Variants in ZC3H3 observed in about 807,000 individuals in gnomAD.
ZC3H3 encodes zinc finger CCCH-type containing 3, also known as zinc finger CCCH domain-containing protein 3.
ZC3H3 carries 36 observed loss-of-function variants against 77.3 expected under a neutral mutation model. That is an observed-to-expected ratio of 0.47 (90% CI 0.36 to 0.61). The LOEUF is 0.61. Ranked by LOEUF, ZC3H3 falls within the 20% of genes least tolerant of loss-of-function variation. The pLI, the probability that ZC3H3 is intolerant of heterozygous loss-of-function variation, is 0.00. For synonymous variants in ZC3H3, 626 were observed against 555.2 expected (o/e 1.13, Z -1.79); for missense variants, 1,331 against 1,312.2 (o/e 1.01, Z -0.22).
chr8:143,455,339 T>A (rs537212983), intron 9 of ZC3H3, among the ~76,000 whole-genome samples: 2 of 150,766 alleles, frequency 1.3e-5, no homozygotes, highest in African/African-American at 4.9e-5. Context: ...AAAATAAAAA[T>A]ACAAAAATTA....
intron 11 of ZC3H3, among the ~76,000 whole-genome samples, chr8:143,438,843 C>T (rs1055019817): frequency 1.3e-5 from 2 of 152,212 alleles, no homozygotes; most frequent in African/African-American, 2.4e-5. Context: ...ACAGCTGAGT[C>T]GGGCCCAGCA....
intron 3 of ZC3H3, among the ~76,000 whole-genome samples, chr8:143,511,395 T>C (rs1821865932): frequency 6.6e-6 from 1 of 152,234 alleles, no homozygotes; most frequent in South Asian, 2.1e-4. Flanking sequence ...CAGATTTTTA[T>C]GGAACTTCAA....
chr8:143,541,332 G>A (rs748908382), intron 1 of ZC3H3, 44 bp downstream of exon 1: 12 of 1,604,206 alleles, frequency 7.5e-6, no homozygotes, highest in Non-Finnish European at 3.4e-6. Flanking sequence ...CGCGAGGTGA[G>A]GGGGAAAGAA....
At chr8:143,453,536 C>G (rs901471083) in intron 9 of ZC3H3, among the ~76,000 whole-genome samples, 2 of 152,130 alleles carry the variant, frequency 1.3e-5, no homozygotes, top group African/African-American at 4.8e-5. Context: ...GTGAATTATC[C>G]TTCTGGAATA....
In ZC3H3 at chr8:143,493,228, C is replaced by T. The variant is rs1432734573; in HGVS notation, c.1715+14518G>A. Among the ~76,000 whole-genome samples the T allele has an allele frequency of 1.3e-5, 2 of 152,110 alleles. No individual in the cohort carries two copies. Among genetic ancestry groups the T allele is most frequent in the Non-Finnish European group, 2.9e-5 (2 of 68,010 alleles). ...TGTCCTGGCCCAGGGGCTCCCTCCT[C>T]AGGGTCCTGTGTCCTGGCCCAGATC... On this transcript the variant is annotated intron_variant, in intron 4 of 11. Coordinates refer to ENST00000262577, the MANE Select transcript of ZC3H3 (RefSeq NM_015117.3). This position sits in a 1 kb window ranked among gnomAD's most constrained non-coding sequence, Gnocchi z 4.8.
At chr8:143,507,604 CCCCA>C in intron 4 of ZC3H3, 138 bp downstream of exon 4, 2 of 1,020,296 alleles carry the variant, frequency 2.0e-6, no homozygotes, top group Non-Finnish European at 2.6e-6. Flanking sequence ...TCAGGCTGGT[CCCCA>C]GCCAACGAGC....
At chr8:143,480,374 TG>T in intron 4 of ZC3H3, among the ~76,000 whole-genome samples, 1 of 152,290 alleles carries the variant, frequency 6.6e-6, no homozygotes, top group East Asian at 1.9e-4. Flanking sequence ...GGACCAACCC[TG>T]GACACCCACA....
chr8:143,495,823 G>T (rs391247), intron 4 of ZC3H3, among the ~76,000 whole-genome samples: 4,158 of 147,176 alleles, frequency 0.028, 175 homozygotes, highest in African/African-American at 0.098. Flanking sequence ...AGCTGGTCTT[G>T]AACTCGCAGG....
intron 9 of ZC3H3, among the ~76,000 whole-genome samples, chr8:143,464,513 G>A (rs985322678): frequency 6.6e-6 from 1 of 152,310 alleles, no homozygotes. Context: ...TGCTTGGGAA[G>A]GGCCCGGCCC....
Position 143,538,121 on chromosome 8 carries a change from A to G in ZC3H3, c.1246T>C (p.Ser416Pro), listed in dbSNP as rs1371031135. 6.2e-7 allele frequency: 1 copy of G among 1,613,108 alleles called. No individual in the cohort carries two copies. Among genetic ancestry groups the G allele is most frequent in the South Asian group, 1.1e-5 (1 of 91,080 alleles). ...TGTCCTACTGCTGGTCTGTCCCCCG[A>G]CGGGGACCTAGACAGGACTGGGGAG... ...QLSPVLSRSP[S>P]GDRPAVGHSG... The change falls in exon 2 of 12, where the codon TCG becomes CCG. Residue 416 changes from serine to proline, a missense_variant. Physicochemically the swap from Ser to Pro is moderately conservative, Grantham distance 74. Coordinates refer to ENST00000262577, the MANE Select transcript of ZC3H3 (RefSeq NM_015117.3).
chr8:143,453,563 A>G (rs1563836346), intron 9 of ZC3H3, among the ~76,000 whole-genome samples: 1 of 152,234 alleles, frequency 6.6e-6, no homozygotes, highest in Non-Finnish European at 1.5e-5. Context: ...AAATCAAGAC[A>G]TTCTCTGATG....
intron 4 of ZC3H3, among the ~76,000 whole-genome samples, chr8:143,483,037 T>A (rs1820949088): frequency 6.6e-6 from 1 of 152,194 alleles, no homozygotes; most frequent in Non-Finnish European, 1.5e-5. Context: ...GCAGTCCAGC[T>A]GAGACACAGA....
At chr8:143,507,652 C>A (rs1821743178) in intron 4 of ZC3H3, 94 bp downstream of exon 4, 1 of 1,349,512 alleles carries the variant, frequency 7.4e-7, no homozygotes, top group Non-Finnish European at 9.6e-7. Flanking sequence ...GTGCTCAGCT[C>A]CCCCTGGCCC....
At chr8:143,474,168 AG>A (rs151080260) in intron 5 of ZC3H3, among the ~76,000 whole-genome samples, 19,584 of 152,138 alleles carry the variant, frequency 0.13, 1,440 homozygotes, top group Middle Eastern at 0.19. Flanking sequence ...CAGTCCCTCA[AG>A]GTACGGGTGG....
At chr8:143,461,393 G>C (rs1043743298) in intron 9 of ZC3H3, among the ~76,000 whole-genome samples, 7 of 152,156 alleles carry the variant, frequency 4.6e-5, no homozygotes, top group African/African-American at 1.7e-4. Context: ...AGCCTTGCTC[G>C]CTGCCGGCAG....
At chr8:143,490,031 G>A (rs1027103738) in intron 4 of ZC3H3, among the ~76,000 whole-genome samples, 2 of 152,174 alleles carry the variant, frequency 1.3e-5, no homozygotes, top group African/African-American at 4.8e-5. Flanking sequence ...AGGGTTCCAG[G>A]GAAACACCCT....
intron 3 of ZC3H3, among the ~76,000 whole-genome samples, chr8:143,517,586 G>A (rs1182613032): frequency 2.0e-5 from 3 of 152,178 alleles, no homozygotes; most frequent in Non-Finnish European, 4.4e-5. Flanking sequence ...GGGCACTGGG[G>A]CCCAGGGCAC....
At chr8:143,495,444 C>T (rs991236230) in intron 4 of ZC3H3, among the ~76,000 whole-genome samples, 8 of 152,194 alleles carry the variant, frequency 5.3e-5, no homozygotes, top group African/African-American at 1.9e-4. Flanking sequence ...CCAGAACAGG[C>T]AGCTAATCCA....
chr8:143,445,622 G>A (rs1003366261), intron 9 of ZC3H3, among the ~76,000 whole-genome samples: 2 of 151,916 alleles, frequency 1.3e-5, no homozygotes, highest in Non-Finnish European at 2.9e-5. Flanking sequence ...GAGCCCAGGA[G>A]TTGGAGGCTG....
Sources: gnomAD v4.1 joint callset for allele counts (sites outside exome capture counted in the v4.1 genomes callset) on GRCh38, gnomAD v4.1.1 for gene constraint, Gnocchi (gnomAD v3.1) non-coding constraint, MANE v1.5 for transcripts, NCBI Gene and HGNC (gene_info 2026-07-23, HGNC 2026-07-21) for gene names.